Variants in SCRN3 observed in about 807,000 individuals in gnomAD.
SCRN3 encodes secernin 3, also known as secernin-3.
Under a neutral mutation model 43.1 loss-of-function variants are expected in SCRN3, and 39 were observed. That is an observed-to-expected ratio of 0.91 (90% CI 0.70 to 1.18). SCRN3 has a LOEUF of 1.18. Among genes scored for constraint, SCRN3 ranks in the 50% most tolerant of loss-of-function variants. SCRN3 has a pLI of 0.00. For missense variants in SCRN3, 484 were observed against 498.0 expected (o/e 0.97, Z 0.27); for synonymous variants, 147 against 163.1 (o/e 0.90, Z 0.75).
At chr2:174,397,160 G>C (rs1685351550) in intron 1 of SCRN3, 2 of 978,490 alleles carry the variant, frequency 2.0e-6, no homozygotes, top group Admixed American at 6.2e-5. Context: ...AAACCCTTAA[G>C]AGTTTCAGTC....
intron 5 of SCRN3, 135 bp from the exon 6 acceptor site, chr2:174,422,750 A>T (rs1686334958): frequency 1.9e-6 from 1 of 524,376 alleles, no homozygotes; most frequent in East Asian, 2.9e-5. Context: ...GTTGATACAA[A>T]GTTTGTTTAT....
intron 1 of SCRN3, 163 bp from the exon 2 acceptor site, chr2:174,398,112 A>C: frequency 2.3e-6 from 1 of 432,602 alleles, no homozygotes; most frequent in Non-Finnish European, 4.0e-6. Flanking sequence ...TGGGTGAAAG[A>C]GCTAGACCTT....
intron 5 of SCRN3, 48 bp downstream of exon 5, chr2:174,404,363 G>A (rs776556187): frequency 3.8e-6 from 5 of 1,315,702 alleles, no homozygotes; most frequent in African/African-American, 3.0e-5. Context: ...TACATTTTGT[G>A]TAGATGTAAT....
chr2:174,400,603 T>C (rs552749769), intron 3 of SCRN3, among the ~76,000 whole-genome samples: 15 of 152,296 alleles, frequency 9.8e-5, no homozygotes, highest in South Asian at 4.1e-4. Context: ...AGCTTTCAGA[T>C]ATTATTATTT....
intron 5 of SCRN3, 31 bp downstream of exon 5, chr2:174,404,346 GACAA>G: frequency 6.8e-7 from 1 of 1,468,056 alleles, no homozygotes; most frequent in African/African-American, 1.4e-5. Flanking sequence ...ATATTAGGAT[GACAA>G]ACTACATTTT....
At position 174,427,886 on chromosome 2, in the gene SCRN3, T is replaced by C. The variant is rs1245702877; in HGVS notation, c.1266T>C (p.Val422=). ...QIYQSNLSVK[V]SS The stretch of plus-strand genomic sequence containing the variant: ...ATCAGTCAAATTTATCAGTCAAAGT[T>C]AGTTCTTAGTGATCATATGGTCAGC... Residue 422 remains valine, a synonymous_variant, in exon 8 of 8, where the codon GTT becomes GTC. Transcript: ENST00000272732. The C allele has an allele frequency of 1.3e-6, 2 of 1,565,832 alleles. No homozygotes were observed. Among genetic ancestry groups the C allele is most frequent in the Non-Finnish European group, 1.8e-6 (2 of 1,137,786 alleles).
At chr2:174,406,448 A>C (rs1009810770) in intron 5 of SCRN3, among the ~76,000 whole-genome samples, 2 of 137,512 alleles carry the variant, frequency 1.5e-5, no homozygotes, top group African/African-American at 5.0e-5. Context: ...AATACCCTTT[A>C]TTTCCTTCTC....
At chr2:174,408,667 C>T (rs1443598847) in intron 5 of SCRN3, among the ~76,000 whole-genome samples, 7 of 140,854 alleles carry the variant, frequency 5.0e-5, no homozygotes, top group Admixed American at 2.2e-4. Flanking sequence ...GTGACAAAAT[C>T]GGTCAGCATT....
intron 4 of SCRN3, among the ~76,000 whole-genome samples, chr2:174,403,084 G>GT (rs61628080): frequency 0.25 from 35,112 of 140,472 alleles, 5,410 homozygotes; most frequent in East Asian, 0.73. Flanking sequence ...AAACTCAGTA[G>GT]TAAAAAAAAA....
At chr2:174,403,187 A>G (rs889225650) in intron 4 of SCRN3, among the ~76,000 whole-genome samples, 2 of 152,104 alleles carry the variant, frequency 1.3e-5, no homozygotes, top group African/African-American at 2.4e-5. Context: ...GATGTTCAAC[A>G]TTATTAGCCA....
At chr2:174,419,389 A>G (rs1686216224) in intron 5 of SCRN3, among the ~76,000 whole-genome samples, 1 of 152,118 alleles carries the variant, frequency 6.6e-6, no homozygotes, top group Non-Finnish European at 1.5e-5. Flanking sequence ...TTTGTGATTG[A>G]TTGAGTGATT....
At chr2:174,424,305 C>A (rs1232493510) in intron 6 of SCRN3, among the ~76,000 whole-genome samples, 170 bp from the exon 7 acceptor site, 1 of 152,110 alleles carries the variant, frequency 6.6e-6, no homozygotes. Context: ...AAAGGAGATC[C>A]CAGTGTCCCC....
chr2:174,397,265 G>A (rs1224839531), intron 1 of SCRN3: 4 of 983,884 alleles, frequency 4.1e-6, no homozygotes, highest in Non-Finnish European at 4.8e-6. Flanking sequence ...CCTGTGTAAA[G>A]CCATTTTAAG....
chr2:174,414,229 T>G (rs1370311132), intron 5 of SCRN3, among the ~76,000 whole-genome samples: 2 of 152,206 alleles, frequency 1.3e-5, no homozygotes, highest in Non-Finnish European at 1.5e-5. Context: ...CCATTTAATA[T>G]TCTATGATAT....
chr2:174,395,957 G>A, intron 1 of SCRN3, 140 bp downstream of exon 1: 4 of 1,400,666 alleles, frequency 2.9e-6, no homozygotes, highest in South Asian at 3.3e-5. Context: ...GGGCCGGGGT[G>A]CGGGGTGGAC....
intron 2 of SCRN3, among the ~76,000 whole-genome samples, chr2:174,399,364 T>C (rs979651697): frequency 1.2e-4 from 18 of 152,176 alleles, no homozygotes; most frequent in African/African-American, 4.1e-4. Flanking sequence ...TACCTAATGG[T>C]TGACTTCAAA....
chr2:174,399,822 A>G (rs980552982), intron 2 of SCRN3, 100 bp from the exon 3 acceptor site: 44 of 807,372 alleles, frequency 5.4e-5, no homozygotes, highest in Non-Finnish European at 7.6e-5. Context: ...CCTCTTTCAT[A>G]ACAGTTTTGT....
intron 5 of SCRN3, among the ~76,000 whole-genome samples, chr2:174,422,173 C>G (rs575328825): frequency 1.3e-5 from 2 of 152,098 alleles, no homozygotes; most frequent in Non-Finnish European, 2.9e-5. Flanking sequence ...TTTCTGTAAT[C>G]CTGGCACTTT....
intron 5 of SCRN3, among the ~76,000 whole-genome samples, chr2:174,413,165 C>G (rs1001917699): frequency 3.3e-5 from 5 of 152,054 alleles, no homozygotes; most frequent in African/African-American, 1.2e-4. Flanking sequence ...AGCCACCACA[C>G]CCGGCCGATA....
Sources: gnomAD v4.1 joint callset for allele counts (sites outside exome capture counted in the v4.1 genomes callset) on GRCh38, gnomAD v4.1.1 for gene constraint, MANE v1.5 for transcripts, NCBI Gene and HGNC (gene_info 2026-07-23, HGNC 2026-07-21) for gene names.